The following PNKD variants were observed in gnomAD, a reference collection of about 807,000 sequenced individuals.
PNKD encodes probable thioesterase PNKD.
PNKD carries 36 observed loss-of-function variants against 45.3 expected under a neutral mutation model. The observed-to-expected ratio is 0.80, with a 90% CI of 0.61 to 1.05. PNKD has a LOEUF of 1.05. Among genes scored for constraint, PNKD ranks in the 50% least tolerant of loss-of-function variants. The probability of loss-of-function intolerance (pLI) is 0.00; values close to 1 mark genes in which losing one functional copy is unlikely to be tolerated. For missense variants in PNKD, 511 were observed against 506.6 expected, an observed-to-expected ratio of 1.01 and a Z score of -0.08; for synonymous variants, 197 against 210.1, an observed-to-expected ratio of 0.94 and a Z score of 0.54.
intron 2 of PNKD, among the ~76,000 whole-genome samples, chr2:218,311,275 T>C (rs1473931012): frequency 1.3e-5 from 2 of 152,212 alleles, no homozygotes. Flanking sequence ...CCTACGCACC[T>C]GTGGATATTT....
chr2:218,279,949 C>T (rs1165299170), intron 2 of PNKD: 1 of 1,028,024 alleles, frequency 9.7e-7, no homozygotes. Flanking sequence ...TGCCCTGGGG[C>T]TACTGTGGCC....
At chr2:218,301,262 T>C (rs893901000) in intron 2 of PNKD, among the ~76,000 whole-genome samples, 1 of 152,078 alleles carries the variant, frequency 6.6e-6, no homozygotes, top group Non-Finnish European at 1.5e-5. Context: ...ACAGCACAGA[T>C]CTATAGCGCT....
chr2:218,276,052 CAGCAT>C, intron 2 of PNKD: 1 of 1,613,076 alleles, frequency 6.2e-7, no homozygotes, highest in Non-Finnish European at 8.5e-7. Flanking sequence ...GCCCCCAGAG[CAGCAT>C]AGAGCATGTG....
chr2:218,313,490 G>A (rs887354431), intron 2 of PNKD, among the ~76,000 whole-genome samples: 7 of 152,018 alleles, frequency 4.6e-5, no homozygotes, highest in African/African-American at 1.7e-4. Flanking sequence ...TCTAGTCCAG[G>A]ATCCAATTCA....
At chr2:218,323,377 G>T (rs753560066) in intron 2 of PNKD, 1 of 1,578,636 alleles carries the variant, frequency 6.3e-7, no homozygotes, top group Non-Finnish European at 8.6e-7. Flanking sequence ...CGAGCGCGGC[G>T]GGGCCTCCGC....
intron 2 of PNKD, chr2:218,272,844 C>G (rs1473284370): frequency 6.2e-7 from 1 of 1,608,510 alleles, no homozygotes; most frequent in African/African-American, 1.3e-5. Flanking sequence ...CTGAGGTCCA[C>G]CAGAGGGCGC....
At chr2:218,306,874 A>G (rs1693424500) in intron 2 of PNKD, among the ~76,000 whole-genome samples, 1 of 152,258 alleles carries the variant, frequency 6.6e-6, no homozygotes, top group Non-Finnish European at 1.5e-5. Context: ...GTCATCTGAC[A>G]AACACAGATG....
At position 218,277,007 on chromosome 2, in the gene PNKD, T is replaced by C. The variant is rs149503479; in HGVS notation, c.236+5458T>C. Reference sequence around the variant, plus strand: ...CCAGCTCTCCTGGGACACTCACGTATTGGAAGTAGAGCACAATGCTAGTGA... The same window carrying C: ...CCAGCTCTCCTGGGACACTCACGTACTGGAAGTAGAGCACAATGCTAGTGA... On this transcript the variant is annotated intron_variant, in intron 2 of 9. Coordinates refer to ENST00000273077, the MANE Select transcript of PNKD (RefSeq NM_015488.5). 7.7e-5 allele frequency: 124 copies of C among 1,613,570 alleles called. 1 individual carries two copies. The highest frequency in any genetic ancestry group is 1.0e-4 in the Non-Finnish European group (122 of 1,179,668).
intron 2 of PNKD, among the ~76,000 whole-genome samples, chr2:218,293,979 A>C (rs1285350642): frequency 6.6e-6 from 1 of 151,302 alleles, no homozygotes; most frequent in Middle Eastern, 3.5e-3. Flanking sequence ...CCCCCCATAC[A>C]CACACTATGT....
At chr2:218,296,879 C>G (rs368425702) in intron 2 of PNKD, among the ~76,000 whole-genome samples, 1 of 152,060 alleles carries the variant, frequency 6.6e-6, no homozygotes, top group Non-Finnish European at 1.5e-5. Flanking sequence ...GGTTTTGCCA[C>G]GTTGGCCAGG....
Position 218,340,022 on chromosome 2 carries a change from TC to T in PNKD, c.353-3del. ...TTACCCCGCCCACAGCCCATCTCTG[TC>T]CCCAGGAGTGAAGGTGCTTCCCATC... On this transcript the variant is annotated splice_region_variant and splice_polypyrimidine_tract_variant and intron_variant, in intron 3 of 9. Transcript: ENST00000273077. This position sits in a 1 kb window ranked among gnomAD's most constrained non-coding sequence, Gnocchi z 4.2. The T allele has an allele frequency of 6.3e-7, 1 of 1,597,506 alleles. No individual in the cohort carries two copies. Among genetic ancestry groups the T allele is most frequent in the Non-Finnish European group, 8.6e-7 (1 of 1,164,986 alleles).
intron 2 of PNKD, among the ~76,000 whole-genome samples, chr2:218,292,285 G>T (rs535112081): frequency 3.1e-4 from 47 of 152,218 alleles, no homozygotes; most frequent in South Asian, 8.3e-4. Context: ...CAGGGAGAGC[G>T]AAACGCCAAG....
At chr2:218,313,311 A>G (rs966029429) in intron 2 of PNKD, among the ~76,000 whole-genome samples, 2 of 152,284 alleles carry the variant, frequency 1.3e-5, no homozygotes, top group African/African-American at 2.4e-5. Flanking sequence ...TGGTTTCACC[A>G]TATTGGTCAG....
intron 2 of PNKD, among the ~76,000 whole-genome samples, chr2:218,319,371 C>CTTTTTTTTTTTTTTTTTT (rs35553031): frequency 6.2e-5 from 5 of 80,188 alleles, no homozygotes; most frequent in Non-Finnish European, 9.1e-5. Context: ...TCTTGTTTGT[C>CTTTTTTTTTTTTTTTTTT]TTTTTTTTTT....
intron 2 of PNKD, among the ~76,000 whole-genome samples, chr2:218,339,420 T>G (rs1413269591): frequency 6.6e-6 from 1 of 151,856 alleles, no homozygotes; most frequent in Non-Finnish European, 1.5e-5. Context: ...GAGACAGGGT[T>G]TCGCCATGTT....
chr2:218,291,721 A>G (rs1267441245), intron 2 of PNKD, among the ~76,000 whole-genome samples: 1 of 151,550 alleles, frequency 6.6e-6, no homozygotes, highest in African/African-American at 2.4e-5. Flanking sequence ...CAGTCTCTCC[A>G]CTTGCTTTCC....
At chr2:218,298,796 C>T (rs919118725) in intron 2 of PNKD, among the ~76,000 whole-genome samples, 1 of 152,188 alleles carries the variant, frequency 6.6e-6, no homozygotes, top group Non-Finnish European at 1.5e-5. Context: ...CCCCTCTCCT[C>T]GTCCATCTTG....
intron 2 of PNKD, among the ~76,000 whole-genome samples, chr2:218,296,992 C>T (rs371894387): frequency 6.6e-6 from 1 of 152,206 alleles, no homozygotes; most frequent in South Asian, 2.1e-4. Flanking sequence ...TGCTTGTTTT[C>T]AGAGGACGTA....
At chr2:218,278,886 G>A (rs1029200797) in intron 2 of PNKD, 31 of 854,854 alleles carry the variant, frequency 3.6e-5, no homozygotes, top group African/African-American at 3.6e-4. Context: ...ATCTGGGCAC[G>A]CACACCCACA....
Sources: gnomAD v4.1 joint callset for allele counts (sites outside exome capture counted in the v4.1 genomes callset) on GRCh38, gnomAD v4.1.1 for gene constraint, Gnocchi (gnomAD v3.1) non-coding constraint, MANE v1.5 for transcripts, NCBI Gene and HGNC (gene_info 2026-07-23, HGNC 2026-07-21) for gene names.